EEFSEC: variants seen among roughly 807,000 people sequenced by gnomAD.
The protein encoded by EEFSEC is eukaryotic elongation factor, selenocysteine-tRNA specific.
Under a neutral mutation model 42.1 loss-of-function variants are expected in EEFSEC, and 43 were observed. That is an observed-to-expected ratio of 1.02 (90% CI 0.80 to 1.32). EEFSEC has a LOEUF of 1.32. Among genes scored for constraint, EEFSEC ranks in the 40% most tolerant of loss-of-function variants. EEFSEC has a pLI of 0.00. For missense variants in EEFSEC, 745 were observed against 803.6 expected (o/e 0.93, Z 0.88); for synonymous variants, 354 against 339.1 (o/e 1.04, Z -0.48).
chr3:128,397,339 G>T (rs57701714), intron 6 of EEFSEC, among the ~76,000 whole-genome samples: 2,252 of 152,322 alleles, frequency 0.015, 49 homozygotes, highest in African/African-American at 0.051. Context: ...GGGAATCGCT[G>T]CTCCCTGGCT....
In EEFSEC at chr3:128,341,121, C is replaced by A. The variant is rs1576652648; in HGVS notation, c.787-112C>A. 3 of 1,326,248 alleles carry A rather than the reference C, an allele frequency of 2.3e-6. No homozygotes were observed. In the South Asian group the frequency reaches 4.3e-5, roughly 19 times the overall value. 82.2% of individuals were successfully genotyped at this position (1,326,248 alleles called of 1,614,324 possible). A position where few individuals can be genotyped will look rare whatever the true frequency, so the allele number is the denominator to read the frequency against. ...CCAGACCCCCCTTGGCTGGTCCTCA[C>A]GGTGCCTGCAGGTGGTGGTAAGCAC... On this transcript the variant is annotated intron_variant, in intron 4 of 6. Coordinates refer to ENST00000254730, the MANE Select transcript of EEFSEC (RefSeq NM_021937.5).
At chr3:128,410,583 G>A (rs1040359763), downstream of EEFSEC, among the ~76,000 whole-genome samples, 4 of 152,172 alleles carry the variant, frequency 2.6e-5, no homozygotes, top group Non-Finnish European at 5.9e-5. Context: ...CCTGCGGTGT[G>A]AGCTTGGGCA....
chr3:128,302,169 G>A (rs1456656289), intron 4 of EEFSEC, among the ~76,000 whole-genome samples: 1 of 152,152 alleles, frequency 6.6e-6, no homozygotes, highest in African/African-American at 2.4e-5. Context: ...AGGCAGTCGG[G>A]GGTATGGGGC....
intron 6 of EEFSEC, among the ~76,000 whole-genome samples, chr3:128,373,111 G>A (rs58111781): frequency 6.6e-6 from 1 of 151,884 alleles, no homozygotes; most frequent in Non-Finnish European, 1.5e-5. Flanking sequence ...TCAAGATGAG[G>A]CCCTGAGAAG....
chr3:128,253,707 G>T (rs1023203238), intron 2 of EEFSEC, among the ~76,000 whole-genome samples: 1 of 151,560 alleles, frequency 6.6e-6, no homozygotes, highest in Non-Finnish European at 1.5e-5. Flanking sequence ...CCCTCTCCAA[G>T]CTCTCTTTTG....
intron 2 of EEFSEC, among the ~76,000 whole-genome samples, chr3:128,247,407 C>T (rs2107899797): frequency 1.3e-5 from 2 of 152,292 alleles, no homozygotes; most frequent in South Asian, 2.1e-4. Context: ...AACTTAGTCC[C>T]GCCTACATAT....
chr3:128,315,667 C>T (rs529526468), intron 4 of EEFSEC, among the ~76,000 whole-genome samples: 5 of 152,294 alleles, frequency 3.3e-5, no homozygotes, highest in African/African-American at 1.2e-4. Flanking sequence ...GCTTGAAGTC[C>T]CTGCACACTG....
chr3:128,419,519 A>C, the EEFSEC span, among the ~76,000 whole-genome samples: 9 of 152,160 alleles, frequency 5.9e-5, no homozygotes, highest in Non-Finnish European at 1.0e-4. Context: ...GCGTGCAAGG[A>C]TGTGCTTCAA....
intron 1 of EEFSEC, among the ~76,000 whole-genome samples, chr3:128,168,449 G>T (rs896592033): frequency 6.6e-6 from 1 of 152,174 alleles, no homozygotes; most frequent in East Asian, 1.9e-4. Context: ...CCAAGTGCTT[G>T]CATGGTAAAA....
At chr3:128,370,734 C>T (rs2067643901) in intron 6 of EEFSEC, among the ~76,000 whole-genome samples, 1 of 152,246 alleles carries the variant, frequency 6.6e-6, no homozygotes, top group Non-Finnish European at 1.5e-5. Context: ...GCTCTAGGCC[C>T]ATCCCAGGGG....
chr3:128,223,795 G>A (rs2065883076), intron 1 of EEFSEC, among the ~76,000 whole-genome samples: 1 of 152,196 alleles, frequency 6.6e-6, no homozygotes, highest in African/African-American at 2.4e-5. Context: ...CGTGCATGTT[G>A]TGTGAGCACT....
Position 128,269,599 on chromosome 3 carries a change from T to C in EEFSEC, c.786+4818T>C, listed in dbSNP as rs144421941. On this transcript the variant is annotated intron_variant, in intron 4 of 6. Transcript: ENST00000254730. ...GGAGGCAGGGCACAGCCATTCCAAA[T>C]AAACAGTCACATTCCCCTCCCAGTC... Among the ~76,000 whole-genome samples the C allele has an allele frequency of 5.5e-3, 842 of 152,278 alleles. 6 individuals carry two copies. Among genetic ancestry groups the C allele is most frequent in the Non-Finnish European group, 6.2e-3 (423 of 68,014 alleles).
chr3:128,207,802 A>T (rs970558665), intron 1 of EEFSEC, among the ~76,000 whole-genome samples: 2 of 152,084 alleles, frequency 1.3e-5, no homozygotes, highest in Non-Finnish European at 2.9e-5. Flanking sequence ...AGATGAGAAG[A>T]TCTCTGTTAA....
intron 2 of EEFSEC, among the ~76,000 whole-genome samples, chr3:128,247,934 C>T (rs1022475356): frequency 2.0e-5 from 3 of 152,272 alleles, no homozygotes; most frequent in Middle Eastern, 3.4e-3. Flanking sequence ...ATCCACAGCC[C>T]TGGTGAAGCA....
chr3:128,372,514 A>G (rs975410387), intron 6 of EEFSEC, among the ~76,000 whole-genome samples: 4 of 152,208 alleles, frequency 2.6e-5, no homozygotes, highest in African/African-American at 9.6e-5. Context: ...CACAGTCACT[A>G]GCAAGGGGAG....
intron 1 of EEFSEC, among the ~76,000 whole-genome samples, chr3:128,189,605 T>C (rs1200662714): frequency 6.6e-6 from 1 of 151,414 alleles, no homozygotes; most frequent in Non-Finnish European, 1.5e-5. Context: ...TCTTCCAGGC[T>C]GCAGTGCAGT....
chr3:128,192,406 A>G (rs1194354991), intron 1 of EEFSEC, among the ~76,000 whole-genome samples: 2 of 152,126 alleles, frequency 1.3e-5, no homozygotes, highest in Non-Finnish European at 2.9e-5. Context: ...CTGCAGATTC[A>G]TTCAAGGCTG....
At chr3:128,166,093 G>A (rs952976082) in intron 1 of EEFSEC, among the ~76,000 whole-genome samples, 1 of 152,202 alleles carries the variant, frequency 6.6e-6, no homozygotes, top group Non-Finnish European at 1.5e-5. Context: ...TTACGCTCTA[G>A]AGAGGAAAGA....
At chr3:128,286,150 T>C (rs948147257) in intron 4 of EEFSEC, among the ~76,000 whole-genome samples, 1 of 152,230 alleles carries the variant, frequency 6.6e-6, no homozygotes, top group African/African-American at 2.4e-5. Flanking sequence ...ACAGTCTCAG[T>C]TCATGAATTT....
Sources: allele counts gnomAD v4.1 joint callset (sites outside exome capture counted in the v4.1 genomes callset), GRCh38; gene constraint gnomAD v4.1.1; transcripts MANE v1.5; gene names NCBI Gene and HGNC (gene_info 2026-07-23, HGNC 2026-07-21).